Variants in DNAH10 observed in about 807,000 individuals in gnomAD.
The protein encoded by DNAH10 is dynein axonemal heavy chain 10.
DNAH10 carries 348 observed loss-of-function variants against 506.6 expected under a neutral mutation model. That is an observed-to-expected ratio of 0.69 (90% confidence interval 0.63 to 0.75). The LOEUF (loss-of-function observed/expected upper bound fraction) is 0.75, where lower values mean the gene tolerates loss of function less well. Ranked by LOEUF, DNAH10 falls within the 30% of genes least tolerant of loss-of-function variation. The pLI is 0.00. For synonymous variants in DNAH10, 2,059 were observed against 2,198.6 expected (o/e 0.94, Z 1.78); for missense variants, 5,179 against 5,787.1 (o/e 0.89, Z 3.41).
chr12:123,838,238 A>G (rs1961384473), intron 28 of DNAH10, among the ~76,000 whole-genome samples: 1 of 152,244 alleles, frequency 6.6e-6, no homozygotes, highest in Admixed American at 6.5e-5. Context: ...AAGAAAAACC[A>G]GAAACCAGTT....
At chr12:123,870,566 G>C in intron 44 of DNAH10, 81 bp downstream of exon 44, 1 of 1,518,776 alleles carries the variant, frequency 6.6e-7, no homozygotes, top group Non-Finnish European at 8.8e-7. Flanking sequence ...AGATCCCATG[G>C]CTTCTCTGGT....
Position 123,857,190 on chromosome 12 carries a change from C to G in DNAH10, c.6573C>G (p.Phe2191Leu). The change falls in exon 37 of 79, where the codon TTC becomes TTG. Residue 2191 changes from phenylalanine (F) to leucine (L), a missense_variant. Physicochemically the swap from Phe to Leu is conservative, Grantham distance 22. Around this residue, in one of 3 missense-constraint regions of DNAH10, gnomAD observed 4,844 missense variants for 5,430.5 expected, o/e 0.89. Transcript: ENST00000673944. The part of the protein sequence containing the change: ...LDCPRVRYPD[F>L]NDAVEQVLEE... ...GCCCTCGCGTCCGCTACCCTGACTT[C>G]AACGATGCGGTAGAGCAGGTCCTGG... 2 of 1,609,450 alleles carry G rather than the reference C, an allele frequency of 1.2e-6. No homozygotes were observed. Among genetic ancestry groups the G allele is most frequent in the Non-Finnish European group, 1.7e-6 (2 of 1,177,918 alleles).
chr12:123,899,433 C>T (rs1299659449), intron 56 of DNAH10, among the ~76,000 whole-genome samples: 1 of 152,172 alleles, frequency 6.6e-6, no homozygotes, highest in Non-Finnish European at 1.5e-5. Flanking sequence ...TGCCGCTCAA[C>T]CTGCCTGCCT....
chr12:123,862,092 A>G (rs1951635156), intron 39 of DNAH10, among the ~76,000 whole-genome samples: 1 of 152,150 alleles, frequency 6.6e-6, no homozygotes, highest in Non-Finnish European at 1.5e-5. Flanking sequence ...AGGCTGCAGG[A>G]GTGATGCTGT....
In DNAH10 at chr12:123,861,076, G is replaced by A. The variant is rs754705780; in HGVS notation, c.6814G>A (p.Gly2272Ser). Residue 2272 changes from glycine (G) to serine (S), a missense_variant, in exon 39 of 79, where the codon GGC becomes AGC. Coordinates refer to ENST00000673944, the MANE Select transcript of DNAH10 (RefSeq NM_001372106.1). ...PKAVSVIELY[G>S]ILDPTTRDWT... Reference sequence around the variant, plus strand: ...AGCCGTGAGTGTCATAGAACTCTACGGCATCCTGGACCCAACCACCCGAGA... The same window carrying A: ...AGCCGTGAGTGTCATAGAACTCTACAGCATCCTGGACCCAACCACCCGAGA... The A allele has an allele frequency of 1.2e-5, 19 of 1,613,712 alleles. No individual in the cohort carries two copies. The highest frequency in any genetic ancestry group is 4.5e-5 in the East Asian group (2 of 44,888).
intron 29 of DNAH10, among the ~76,000 whole-genome samples, chr12:123,839,215 T>TAAAAAAAAAA (rs575224560): frequency 7.9e-6 from 1 of 126,864 alleles, no homozygotes; most frequent in Non-Finnish European, 1.7e-5. Flanking sequence ...TTTTATAAAC[T>TAAAAAAAAAA]AAAAAAAAAA....
At chr12:123,882,437 G>A (rs1232971799) in intron 51 of DNAH10, among the ~76,000 whole-genome samples, 2 of 152,188 alleles carry the variant, frequency 1.3e-5, no homozygotes, top group African/African-American at 4.8e-5. Context: ...AAGCATACAA[G>A]CCAGTGCTTG....
At position 123,909,543 on chromosome 12, in the gene DNAH10, C is replaced by T. The variant is rs770993963; in HGVS notation, c.9997+101C>T. The T allele has an allele frequency of 4.8e-5, 67 of 1,388,894 alleles. No individual in the cohort carries two copies. Among genetic ancestry groups the T allele is most frequent in the Non-Finnish European group, 6.4e-5 (67 of 1,042,422 alleles). 86.0% of individuals were successfully genotyped at this position (1,388,894 alleles called of 1,614,324 possible). On this transcript the variant is annotated intron_variant, in intron 58 of 78. Coordinates refer to ENST00000673944, the MANE Select transcript of DNAH10 (RefSeq NM_001372106.1). This position sits in a 1 kb window ranked among gnomAD's most constrained non-coding sequence, Gnocchi z 5.4. ...GGCAAGGAGGCTTGTCGTGGGCAGG[C>T]CCTCCCCTTCTGGTCAGATGGTATC... is the stretch of plus-strand genomic sequence containing the variant.
chr12:123,909,567 T>C lies in DNAH10; in HGVS notation c.9997+125T>C. 1 of 1,253,678 alleles carries C rather than the reference T, an allele frequency of 8.0e-7. No individual in the cohort carries two copies. The highest frequency in any genetic ancestry group is 1.1e-6 in the Non-Finnish European group (1 of 929,326). 77.7% of individuals were successfully genotyped at this position (1,253,678 alleles called of 1,614,324 possible). On this transcript the variant is annotated intron_variant, in intron 58 of 78. Coordinates refer to ENST00000673944, the MANE Select transcript of DNAH10 (RefSeq NM_001372106.1). This position sits in a 1 kb window ranked among gnomAD's most constrained non-coding sequence, Gnocchi z 5.4. ...GCCCTCCCCTTCTGGTCAGATGGTA[T>C]CGGATGGAACAGGCAACTGATGGTC...
rs71088966 is a variant in DNAH10, at chr12:123,928,866, C to CCA, written c.12306+286_12306+287dup. ...TTCATAAACTTCACGGCCCCCCCCC[C>CCA]CACACACAGCCTGCAGTTCGCTAGT... is the stretch of plus-strand genomic sequence containing the variant. On this transcript the variant is annotated intron_variant, in intron 70 of 78. Coordinates refer to ENST00000673944, the MANE Select transcript of DNAH10 (RefSeq NM_001372106.1). This position sits in a 1 kb window ranked among gnomAD's most constrained non-coding sequence, Gnocchi z 4.9. 1.7e-5 allele frequency: 7 copies of CCA among 410,768 alleles called. No individual in the cohort carries two copies. The highest frequency in any genetic ancestry group is 1.1e-4 in the East Asian group (3 of 28,214). 25.4% of individuals were successfully genotyped at this position (410,768 alleles called of 1,614,324 possible). A position where few individuals can be genotyped will look rare whatever the true frequency, so the allele number is the denominator to read the frequency against.
Position 123,881,671 on chromosome 12 carries a change from T to C in DNAH10, c.8681T>C (p.Val2894Ala), listed in dbSNP as rs1223793585. ...YNESNTKMNLVLFDDALEHLT... is the reference protein window; with the variant it reads ...YNESNTKMNLALFDDALEHLT... Reference sequence around the variant, plus strand: ...GAAAGCAACACCAAAATGAACTTGGTTCTCTTCGACGATGCTCTGGAGCAT... The same window carrying C: ...GAAAGCAACACCAAAATGAACTTGGCTCTCTTCGACGATGCTCTGGAGCAT... The change falls in exon 51 of 79, where the codon GTT (valine) becomes GCT (alanine). Residue 2894 changes from valine (V) to alanine (A), a missense_variant. Physicochemically the swap from Val to Ala is moderately conservative, Grantham distance 64. This residue lies in a region of DNAH10 where 4,844 missense variants were observed against 5,430.5 expected (regional missense o/e 0.89). Transcript: ENST00000673944. The C allele has an allele frequency of 6.5e-7, 1 of 1,545,346 alleles. No individual in the cohort carries two copies. The highest frequency in any genetic ancestry group is 8.7e-7 in the Non-Finnish European group (1 of 1,145,140).
intron 47 of DNAH10, among the ~76,000 whole-genome samples, chr12:123,877,515 C>T (rs546296821): frequency 3.3e-5 from 5 of 152,096 alleles, no homozygotes; most frequent in East Asian, 1.9e-4. Flanking sequence ...GGGGTTTCAC[C>T]GTGTTGGTCA....
chr12:123,850,998 G>C lies in DNAH10; in HGVS notation c.6213G>C (p.Arg2071Ser). The change falls in exon 35 of 79, where the codon AGG (arginine) becomes AGC (serine). Residue 2071 changes from arginine (R) to serine (S), a missense_variant. Coordinates refer to ENST00000673944, the MANE Select transcript of DNAH10 (RefSeq NM_001372106.1). The surrounding 1 kb of genome is among the most constrained non-coding windows in gnomAD (Gnocchi z 5.5). ...ELPESVKALF[R>S]PVVVIVPDLQ... ...CCGAGTCGGTGAAGGCGCTGTTCAG[G>C]CCTGTGGTCGTGATCGTGCCCGACC... 1 of 1,614,030 alleles carries C rather than the reference G, an allele frequency of 6.2e-7. No individual in the cohort carries two copies. Among genetic ancestry groups the C allele is most frequent in the South Asian group, 1.1e-5 (1 of 91,074 alleles).
intron 37 of DNAH10, among the ~76,000 whole-genome samples, chr12:123,858,935 TG>T (rs1311589029): frequency 1.3e-5 from 2 of 151,850 alleles, no homozygotes; most frequent in Non-Finnish European, 2.9e-5. Context: ...GAAAGGGGAT[TG>T]GGAGAGATGG....
At chr12:123,795,818 A>C (rs1277997850) in intron 12 of DNAH10, among the ~76,000 whole-genome samples, 1 of 152,152 alleles carries the variant, frequency 6.6e-6, no homozygotes, top group African/African-American at 2.4e-5. Context: ...AGTTCTGGTG[A>C]CTGTAGTCAA....
At chr12:123,864,179 A>C (rs964099182) in intron 39 of DNAH10, among the ~76,000 whole-genome samples, 2 of 119,438 alleles carry the variant, frequency 1.7e-5, no homozygotes, top group Non-Finnish European at 3.3e-5. Context: ...GGGGTCTTGC[A>C]CTGTTGCCTG....
intron 54 of DNAH10, among the ~76,000 whole-genome samples, chr12:123,897,323 T>C (rs147990322): frequency 3.9e-4 from 60 of 152,344 alleles, no homozygotes; most frequent in African/African-American, 1.4e-3. Context: ...CAAGAATTCA[T>C]TTGAGTCCCT....
intron 9 of DNAH10, among the ~76,000 whole-genome samples, chr12:123,786,411 A>G (rs1957854561): frequency 6.7e-6 from 1 of 149,490 alleles, no homozygotes; most frequent in Admixed American, 6.7e-5. Flanking sequence ...CATGTTCTTC[A>G]TCCCTCAAAA....
rs1403614920 is a variant in DNAH10, at chr12:123,785,773, G to A, written c.1258G>A (p.Val420Met). Residue 420 changes from valine to methionine, a missense_variant, in exon 9 of 79, where the codon GTG becomes ATG. By Grantham distance (21) the Val-to-Met change is conservative. Around this residue, in one of 3 missense-constraint regions of DNAH10, gnomAD observed 4,844 missense variants for 5,430.5 expected, o/e 0.89. Transcript: ENST00000673944. The surrounding 1 kb of genome is among the most constrained non-coding windows in gnomAD (Gnocchi z 4.1). The part of the protein sequence containing the change: ...KNITHGSGFH[V>M]VLDTIPAMMS... The stretch of plus-strand genomic sequence containing the variant: ...CATAACGCACGGGTCTGGCTTCCAC[G>A]TGGTCCTGGACACCATCCCCGCCAT... 9.3e-6 allele frequency: 15 copies of A among 1,612,972 alleles called. No homozygotes were observed. The highest frequency in any genetic ancestry group is 1.3e-5 in the Non-Finnish European group (15 of 1,179,288).
Sources: allele counts gnomAD v4.1 joint callset (sites outside exome capture counted in the v4.1 genomes callset), GRCh38; gene constraint gnomAD v4.1.1; regional missense constraint gnomAD v4.1.1; non-coding constraint Gnocchi (gnomAD v3.1); transcripts MANE v1.5; gene names NCBI Gene and HGNC (gene_info 2026-07-23, HGNC 2026-07-21).